The following CNKSR2 variants were observed in gnomAD, a reference collection of about 807,000 sequenced individuals.
The protein encoded by CNKSR2 is CNK homolog protein 2.
Under a neutral mutation model 84.4 loss-of-function variants are expected in CNKSR2, and 14 were observed. The observed-to-expected ratio is 0.17, with a 90% confidence interval of 0.11 to 0.26. CNKSR2 has a LOEUF of 0.26. CNKSR2 is among the 10% of genes least tolerant of loss of function. CNKSR2 has a pLI of 1.00. For missense variants in CNKSR2, 485 were observed against 771.2 expected (o/e 0.63, Z 4.40); for synonymous variants, 275 against 277.9 (o/e 0.99, Z 0.10).
intron 5 of CNKSR2, among the ~76,000 whole-genome samples, chrX:21,476,337 A>T (rs1337513531): frequency 8.9e-6 from 1 of 111,808 alleles, no homozygotes; most frequent in Admixed American, 9.5e-5. Flanking sequence ...CCATGGAGAA[A>T]GCATGTATCT....
chrX:21,501,292 G>T (rs1344351858), intron 7 of CNKSR2, among the ~76,000 whole-genome samples: 1 of 109,705 alleles, frequency 9.1e-6, no homozygotes, highest in African/African-American at 3.3e-5. Context: ...TGCATAGAAT[G>T]CAAACTATTT....
At chrX:21,598,432 C>T (rs771034294) in intron 17 of CNKSR2, among the ~76,000 whole-genome samples, 2 of 111,498 alleles carry the variant, frequency 1.8e-5, no homozygotes, top group South Asian at 7.6e-4. Context: ...CCTCCAAACA[C>T]ATTATTCTTT....
At chrX:21,505,802 A>G (rs2091607029) in intron 8 of CNKSR2, 1 of 111,779 alleles carries the variant, frequency 8.9e-6, no homozygotes, top group Non-Finnish European at 1.9e-5. Flanking sequence ...ACTTCAGCAG[A>G]AATGAATGAG....
rs766511552 is a variant in CNKSR2 at position 21,562,672 on chromosome X, A to G, written c.1394-566A>G. 5.0e-4 allele frequency among the ~76,000 whole-genome samples: 56 copies of G among 111,591 alleles called. No homozygotes were observed. In the Middle Eastern group the frequency reaches 0.018, roughly 37 times the overall value. The stretch of plus-strand genomic sequence containing the variant: ...CAGAGTCACTGTTTTGGGACTTCAT[A>G]TTTTAGAGACTTTTGTTGATGGGGA... On this transcript the variant is annotated intron_variant, in intron 12 of 21. Transcript: ENST00000379510.
intron 20 of CNKSR2, chrX:21,641,612 C>T (rs1445436483): frequency 3.4e-6 from 4 of 1,163,445 alleles, no homozygotes; most frequent in Non-Finnish European, 4.6e-6. Context: ...CCATTGGACT[C>T]ACAGATTGAT....
Position 21,609,387 on chromosome X carries a change from A to G in CNKSR2, c.2462A>G (p.Tyr821Cys). 8.3e-7 allele frequency: 1 copy of G among 1,211,544 alleles called. No homozygotes were observed. The highest frequency in any genetic ancestry group is 1.1e-6 in the Non-Finnish European group (1 of 895,483). Residue 821 changes from tyrosine to cysteine, a missense_variant, in exon 20 of 22, where the codon TAT (tyrosine) becomes TGT (cysteine). This residue lies in a region of CNKSR2 where 210 missense variants were observed against 291.5 expected (regional missense o/e 0.72). Transcript: ENST00000379510. ...CAGAAATGCCACCTGCAGGATCACT[A>G]TGGGCCATACCCCTTAGCTGAGAGT... ...PTQKCHLQDH[Y>C]GPYPLAESER...
chrX:21,495,812 A>C (rs2091491171), intron 6 of CNKSR2: 1 of 101,323 alleles, frequency 9.9e-6, no homozygotes, highest in African/African-American at 3.6e-5. Flanking sequence ...AAAAAAAAAA[A>C]AAAAAAAAAA....
chrX:21,536,050 T>G (rs1165096544), intron 11 of CNKSR2, among the ~76,000 whole-genome samples: 3 of 111,220 alleles, frequency 2.7e-5, no homozygotes, highest in African/African-American at 9.8e-5. Flanking sequence ...CTTTCTAATT[T>G]GTTGAGAGTT....
At chrX:21,650,016 G>A (rs1286536934) in intron 21 of CNKSR2, among the ~76,000 whole-genome samples, 6 of 111,494 alleles carry the variant, frequency 5.4e-5, no homozygotes, top group African/African-American at 2.0e-4. Context: ...ATACAGTGTG[G>A]CGATTCCTCA....
At chrX:21,599,038 C>T (rs2092465723) in intron 17 of CNKSR2, among the ~76,000 whole-genome samples, 1 of 112,951 alleles carries the variant, frequency 8.9e-6, no homozygotes, top group Non-Finnish European at 1.9e-5. Context: ...AGTATATCCA[C>T]ACACTTTCTA....
chrX:21,554,346 CTTTAAG>C (rs1184893282), intron 11 of CNKSR2, among the ~76,000 whole-genome samples: 2 of 111,371 alleles, frequency 1.8e-5, no homozygotes, highest in Non-Finnish European at 3.8e-5. Context: ...ATTTTTTTAA[CTTTAAG>C]TTTAGGGGTA....
rs759658665 is a variant in CNKSR2 at position 21,529,576 on chromosome X, C to T, written c.1092-2280C>T. Among the ~76,000 whole-genome samples, 7 of 110,601 alleles carry T rather than the reference C, an allele frequency of 6.3e-5. No homozygotes were observed. The East Asian group carries it at 1.4e-3, about 23-fold the overall frequency. On this transcript the variant is annotated intron_variant, in intron 10 of 21. Transcript: ENST00000379510. ...AGCAAAGGCACAGATTTATTACTTA[C>T]GTGCATTAACTTACAATATTAAGAA...
intron 12 of CNKSR2, 54 bp downstream of exon 12, chrX:21,561,614 T>A: frequency 1.2e-6 from 1 of 856,537 alleles, no homozygotes; most frequent in Non-Finnish European, 1.7e-6. Context: ...ATAAGCAAAT[T>A]TAAATGTTCT....
intron 5 of CNKSR2, among the ~76,000 whole-genome samples, chrX:21,475,212 A>T (rs1234719792): frequency 8.9e-6 from 1 of 111,945 alleles, no homozygotes; most frequent in Non-Finnish European, 1.9e-5. Flanking sequence ...TAACACAAAG[A>T]AATGATAAAT....
chrX:21,587,537 T>C (rs1369147315), intron 13 of CNKSR2, among the ~76,000 whole-genome samples: 1 of 111,926 alleles, frequency 8.9e-6, no homozygotes, highest in African/African-American at 3.3e-5. Flanking sequence ...TACGGTCATA[T>C]GTCTGTTTTT....
chrX:21,567,991 C>T (rs761773337), intron 13 of CNKSR2, among the ~76,000 whole-genome samples: 2 of 112,017 alleles, frequency 1.8e-5, no homozygotes, highest in Admixed American at 1.9e-4. Context: ...AATTCATATA[C>T]AAAATAATTA....
chrX:21,474,163 T>C (rs2091235190), intron 5 of CNKSR2, among the ~76,000 whole-genome samples: 1 of 111,438 alleles, frequency 9.0e-6, no homozygotes, highest in Admixed American at 9.6e-5. Context: ...TTTAATGTTT[T>C]CCTTGTTTCT....
At chrX:21,481,590 G>A (rs939622464) in intron 5 of CNKSR2, among the ~76,000 whole-genome samples, 4 of 110,821 alleles carry the variant, frequency 3.6e-5, no homozygotes, top group Non-Finnish European at 5.7e-5. Flanking sequence ...CAAAGGTGAA[G>A]GAATTTCAAG....
At chrX:21,473,797 A>T (rs761785335) in intron 5 of CNKSR2, among the ~76,000 whole-genome samples, 1 of 83,671 alleles carries the variant, frequency 1.2e-5, no homozygotes, top group East Asian at 3.6e-4. Context: ...CCCAGGCTGG[A>T]GTACAGTAGT....
Sources: allele counts gnomAD v4.1 joint callset (sites outside exome capture counted in the v4.1 genomes callset), GRCh38; gene constraint gnomAD v4.1.1; regional missense constraint gnomAD v4.1.1; transcripts MANE v1.5; gene names NCBI Gene and HGNC (gene_info 2026-07-23, HGNC 2026-07-21).